The following CSMD3 variants were observed in gnomAD, a reference collection of about 807,000 sequenced individuals.
The protein encoded by CSMD3 is CUB and sushi domain-containing protein 3.
CSMD3 carries 177 observed loss-of-function variants against 435.2 expected under a neutral mutation model. That is an observed-to-expected ratio of 0.41 (90% CI 0.36 to 0.46). The LOEUF is 0.46. Ranked by LOEUF, CSMD3 falls within the 20% of genes least tolerant of loss-of-function variation. CSMD3 has a pLI of 0.34. For synonymous variants in CSMD3, 1,656 were observed against 1,520.5 expected (o/e 1.09, Z -2.07); for missense variants, 4,265 against 4,504.6 (o/e 0.95, Z 1.52).
chr8:113,426,918 C>A (rs1286353179), intron 1 of CSMD3, among the ~76,000 whole-genome samples: 6 of 151,370 alleles, frequency 4.0e-5, no homozygotes, highest in Non-Finnish European at 8.9e-5. Context: ...TCTACATCTA[C>A]CTGTTGTAAG....
rs568504483 is a variant in CSMD3 at position 113,383,030 on chromosome 8, T to C, written c.178+53647A>G. Among the ~76,000 whole-genome samples the C allele has an allele frequency of 4.8e-5, 7 of 144,670 alleles. No homozygotes were observed. The East Asian group carries it at 1.6e-3, about 32-fold the overall frequency. 94.9% of individuals were successfully genotyped at this position (144,670 alleles called of 152,430 possible). On this transcript the variant is annotated intron_variant, in intron 1 of 70. Transcript: ENST00000297405. ...ATAAATAAACAGTTGTTAAACACTCTAGAATTTCACAGAGGATAGATTTTT... is the reference window on the plus strand; with the variant it reads ...ATAAATAAACAGTTGTTAAACACTCCAGAATTTCACAGAGGATAGATTTTT...
intron 40 of CSMD3, among the ~76,000 whole-genome samples, chr8:112,347,677 T>C (rs959885952): frequency 2.6e-5 from 4 of 152,190 alleles, no homozygotes; most frequent in African/African-American, 9.7e-5. Flanking sequence ...TCTCGTTAAT[T>C]CACCCTTAAA....
intron 5 of CSMD3, among the ~76,000 whole-genome samples, chr8:113,096,500 G>A (rs972110153): frequency 6.6e-6 from 1 of 151,896 alleles, no homozygotes; most frequent in Non-Finnish European, 1.5e-5. Flanking sequence ...CACAAATAAT[G>A]TCTGTTCTTT....
At chr8:113,400,102 A>G (rs183927166) in intron 1 of CSMD3, among the ~76,000 whole-genome samples, 178 of 152,104 alleles carry the variant, frequency 1.2e-3, no homozygotes, top group African/African-American at 4.2e-3. Context: ...TTTGTATGCA[A>G]TATTAACTTT....
chr8:112,431,540 T>C lies in CSMD3; in HGVS notation c.5396-22508A>G, dbSNP rs143537765. Among the ~76,000 whole-genome samples, 26 of 152,270 alleles carry C rather than the reference T, an allele frequency of 1.7e-4. No individual in the cohort carries two copies. The East Asian group carries it at 5.0e-3, about 29-fold the overall frequency. ...AGGAAAAATGAATGGTGATGAGGTA[T>C]GGTGCGTGTCTACTGTTCAATTTCT... On this transcript the variant is annotated intron_variant, in intron 32 of 70. Coordinates refer to ENST00000297405, the MANE Select transcript of CSMD3 (RefSeq NM_198123.2).
At chr8:112,666,905 T>C (rs1455305454) in intron 16 of CSMD3, among the ~76,000 whole-genome samples, 5 of 152,182 alleles carry the variant, frequency 3.3e-5, no homozygotes, top group Admixed American at 3.3e-4. Flanking sequence ...TTTCTTACTT[T>C]AGTCCAGCTG....
chr8:112,558,080 A>C (rs1301649192), intron 24 of CSMD3, among the ~76,000 whole-genome samples: 1 of 151,824 alleles, frequency 6.6e-6, no homozygotes, highest in Non-Finnish European at 1.5e-5. Context: ...AAAGTATGGC[A>C]CTTTGGCATG....
chr8:113,252,621 C>T (rs1200487556), intron 3 of CSMD3, among the ~76,000 whole-genome samples: 4 of 151,984 alleles, frequency 2.6e-5, no homozygotes, highest in Non-Finnish European at 5.9e-5. Context: ...CTCTCTATGG[C>T]CTTCTCTATT....
intron 4 of CSMD3, among the ~76,000 whole-genome samples, chr8:113,112,469 A>C (rs2090685793): frequency 2.1e-5 from 1 of 46,856 alleles, no homozygotes. Context: ...ACACACACAC[A>C]CACGTACACA....
intron 13 of CSMD3, among the ~76,000 whole-genome samples, chr8:112,722,306 G>T (rs62516521): frequency 3.3e-5 from 5 of 151,856 alleles, no homozygotes; most frequent in Non-Finnish European, 7.4e-5. Context: ...AAAAAAAAAG[G>T]CTATACCAGA....
At chr8:112,842,462 C>A (rs2080205450) in intron 11 of CSMD3, among the ~76,000 whole-genome samples, 1 of 151,760 alleles carries the variant, frequency 6.6e-6, no homozygotes, top group Non-Finnish European at 1.5e-5. Context: ...TTATACCCAT[C>A]TCGCTCTGGG....
chr8:112,297,012 A>G (rs2130725017), intron 53 of CSMD3, among the ~76,000 whole-genome samples: 1 of 151,882 alleles, frequency 6.6e-6, no homozygotes, highest in South Asian at 2.1e-4. Flanking sequence ...TGTGAAAATT[A>G]TAACTCGCCC....
chr8:113,394,091 G>T (rs2094472684), intron 1 of CSMD3, among the ~76,000 whole-genome samples: 1 of 151,274 alleles, frequency 6.6e-6, no homozygotes, highest in Admixed American at 6.6e-5. Context: ...ATAGCTTGTT[G>T]GCAAGTACAA....
intron 9 of CSMD3, among the ~76,000 whole-genome samples, chr8:112,932,567 G>A (rs998215989): frequency 5.3e-5 from 8 of 152,118 alleles, no homozygotes; most frequent in African/African-American, 1.9e-4. Context: ...GAACCCAGAA[G>A]GCGGAGCTCG....
intron 10 of CSMD3, among the ~76,000 whole-genome samples, chr8:112,918,940 C>A (rs1359196916): frequency 2.0e-5 from 3 of 151,888 alleles, no homozygotes. Context: ...ACCCATGAGA[C>A]ATGAGAACTA....
At chr8:112,595,062 A>G (rs1316558291) in intron 22 of CSMD3, among the ~76,000 whole-genome samples, 1 of 151,786 alleles carries the variant, frequency 6.6e-6, no homozygotes, top group Non-Finnish European at 1.5e-5. Context: ...TGATCAAATT[A>G]CTCTGAGCTA....
intron 64 of CSMD3, 117 bp downstream of exon 64, chr8:112,246,902 TA>T: frequency 5.2e-6 from 4 of 770,382 alleles, no homozygotes; most frequent in Non-Finnish European, 6.8e-6. Flanking sequence ...TAATATGTTT[TA>T]TAATCTAAAA....
rs552273264 is a variant in CSMD3 at position 112,445,069 on chromosome 8, C to A, written c.5395+27522G>T. Among the ~76,000 whole-genome samples, 6 of 152,008 alleles carry A rather than the reference C, an allele frequency of 3.9e-5. No individual in the cohort carries two copies. In the South Asian group the frequency reaches 1.2e-3, roughly 32 times the overall value. On this transcript the variant is annotated intron_variant, in intron 32 of 70. Transcript: ENST00000297405. The stretch of plus-strand genomic sequence containing the variant: ...ACCAGTCTGGGCAACATGGTGAAAC[C>A]CCTTCTCTCCTAATAATACAAAAAT...
At chr8:112,713,895 G>T (rs1310168951) in intron 13 of CSMD3, among the ~76,000 whole-genome samples, 1 of 152,034 alleles carries the variant, frequency 6.6e-6, no homozygotes, top group Non-Finnish European at 1.5e-5. Context: ...GTCACCACCA[G>T]GCCTGCCTTG....
Sources: gnomAD v4.1 joint callset for allele counts (sites outside exome capture counted in the v4.1 genomes callset) on GRCh38, gnomAD v4.1.1 for gene constraint, MANE v1.5 for transcripts, NCBI Gene and HGNC (gene_info 2026-07-23, HGNC 2026-07-21) for gene names.